FAM216A: variants seen among roughly 807,000 people sequenced by gnomAD.
The protein encoded by FAM216A is protein FAM216A.
Under a neutral mutation model 37.6 loss-of-function variants are expected in FAM216A, and 26 were observed. The observed-to-expected ratio is 0.69, with a 90% CI of 0.51 to 0.96. The LOEUF (loss-of-function observed/expected upper bound fraction) is 0.96. Ranked by LOEUF, FAM216A falls within the 40% of genes least tolerant of loss-of-function variation. FAM216A has a pLI of 0.00. For missense variants in FAM216A, 326 were observed against 339.3 expected, an observed-to-expected ratio of 0.96 and a Z score of 0.31; for synonymous variants, 110 against 121.7, an observed-to-expected ratio of 0.90 and a Z score of 0.64.
intron 2 of FAM216A, among the ~76,000 whole-genome samples, chr12:110,482,141 T>C (rs892135468): frequency 6.6e-6 from 1 of 151,970 alleles, no homozygotes; most frequent in Non-Finnish European, 1.5e-5. Flanking sequence ...GAGTGCAGTG[T>C]TGCGATCTCG....
At chr12:110,483,129 T>A (rs1261278087) in intron 2 of FAM216A, among the ~76,000 whole-genome samples, 1 of 151,484 alleles carries the variant, frequency 6.6e-6, no homozygotes, top group East Asian at 2.0e-4. Context: ...ATCAAGACCA[T>A]ACTGGCTAAC....
At chr12:110,473,599 G>T (rs2135542406) in intron 2 of FAM216A, among the ~76,000 whole-genome samples, 1 of 152,258 alleles carries the variant, frequency 6.6e-6, no homozygotes, top group South Asian at 2.1e-4. Context: ...GGTTTTTCTT[G>T]TCTGTTGGTA....
In FAM216A at chr12:110,490,150, G is replaced by A. The variant is rs559222148; in HGVS notation, c.*13G>A. The A allele has an allele frequency of 3.1e-5, 41 of 1,311,702 alleles. No individual in the cohort carries two copies. Among genetic ancestry groups the A allele is most frequent in the Middle Eastern group, 1.8e-4 (1 of 5,466 alleles). The allele number at this position is 1,311,702 out of a possible 1,614,324, so 81.3% of individuals were successfully genotyped here. A position where few individuals can be genotyped will look rare whatever the true frequency, so the allele number is the denominator to read the frequency against. ...GATGTTAACTTGACAGTCTTGTCTC[G>A]TGTATTGAATTCGTGCCAAAGGTGA... On this transcript the variant is annotated 3_prime_UTR_variant, in exon 7 of 7. Transcript: ENST00000377673.
Position 110,485,202 on chromosome 12 carries a change from A to G in FAM216A, c.306+3A>G, listed in dbSNP as rs759094330. On this transcript the variant is annotated splice_donor_region_variant and intron_variant, in intron 3 of 6. Transcript: ENST00000377673. ...TGATGGAGGCGTCCTTTTTCAAGGT[A>G]TGCTAACAGGGACATATTTAAATAC... 100 of 1,602,818 alleles carry G rather than the reference A, an allele frequency of 6.2e-5. No homozygotes were observed. The highest frequency in any genetic ancestry group is 8.3e-5 in the Non-Finnish European group (98 of 1,176,954).
chr12:110,473,006 TG>T, intron 1 of FAM216A, 71 bp from the exon 2 acceptor site: 3 of 463,328 alleles, frequency 6.5e-6, no homozygotes, highest in East Asian at 4.6e-5. Flanking sequence ...AAAAAAAAAT[TG>T]AAATATGTTG....
Position 110,490,230 on chromosome 12 carries a change from T to G in FAM216A, c.*93T>G, listed in dbSNP as rs2062804508. The stretch of plus-strand genomic sequence containing the variant: ...TGTTTAGGATGGTATTGTTATTTAT[T>G]AAATCATTAAGTAATTTTGGTTTGT... On this transcript the variant is annotated 3_prime_UTR_variant, in exon 7 of 7. Coordinates refer to ENST00000377673, the MANE Select transcript of FAM216A (RefSeq NM_013300.3). 15 of 748,424 alleles carry G rather than the reference T, an allele frequency of 2.0e-5. No individual in the cohort carries two copies. The highest frequency in any genetic ancestry group is 2.3e-4 in the Middle Eastern group (1 of 4,316). The allele number at this position is 748,424 out of a possible 1,614,324, so 46.4% of individuals were successfully genotyped here. A position where few individuals can be genotyped will look rare whatever the true frequency, so the allele number is the denominator to read the frequency against.
At chr12:110,488,751 G>C (rs1003832180) in intron 6 of FAM216A, among the ~76,000 whole-genome samples, 2 of 152,002 alleles carry the variant, frequency 1.3e-5, no homozygotes, top group African/African-American at 4.8e-5. Flanking sequence ...CCTATACTTT[G>C]TTATTTCCTA....
At chr12:110,481,885 T>C (rs192005079) in intron 2 of FAM216A, among the ~76,000 whole-genome samples, 273 of 152,318 alleles carry the variant, frequency 1.8e-3, no homozygotes, top group African/African-American at 6.1e-3. Flanking sequence ...TTACAGATTA[T>C]AAGTTATGTT....
rs531594931 is a variant in FAM216A, at chr12:110,482,325, G to A, written c.185-2753G>A. On this transcript the variant is annotated intron_variant, in intron 2 of 6. Coordinates refer to ENST00000377673, the MANE Select transcript of FAM216A (RefSeq NM_013300.3). ...TCTCCTGACCTCAAGTGATCTGCCC[G>A]CCTCAGCCTCCCAAAGTGCTGGGAT... 4.6e-5 allele frequency among the ~76,000 whole-genome samples: 7 copies of A among 151,962 alleles called. No individual in the cohort carries two copies. In the East Asian group the frequency reaches 9.7e-4, roughly 21 times the overall value.
chr12:110,486,752 C>T, intron 5 of FAM216A, 35 bp downstream of exon 5: 4 of 1,566,768 alleles, frequency 2.6e-6, no homozygotes, highest in East Asian at 4.5e-5. Flanking sequence ...GGAAATGCAT[C>T]TCAGTTTAAT....
chr12:110,478,756 A>G (rs945598641), intron 2 of FAM216A, among the ~76,000 whole-genome samples: 4 of 152,134 alleles, frequency 2.6e-5, no homozygotes, highest in Non-Finnish European at 5.9e-5. Context: ...CTAAGCAGAG[A>G]ACCCAGTGGA....
chr12:110,478,833 G>A (rs779886582), intron 2 of FAM216A, among the ~76,000 whole-genome samples: 1 of 152,046 alleles, frequency 6.6e-6, no homozygotes, highest in Non-Finnish European at 1.5e-5. Context: ...GTTTTAAGCC[G>A]CTAAAGTTGT....
At chr12:110,476,557 C>T (rs2062715916) in intron 2 of FAM216A, among the ~76,000 whole-genome samples, 1 of 147,344 alleles carries the variant, frequency 6.8e-6, no homozygotes, top group South Asian at 2.2e-4. Context: ...GACGAAGTCT[C>T]ACTCTGTCGC....
Position 110,489,927 on chromosome 12 carries a change from A to G in FAM216A, c.704-92A>G. The G allele has an allele frequency of 6.1e-6, 4 of 655,258 alleles. No individual in the cohort carries two copies. The South Asian group carries it at 7.0e-5, about 11-fold the overall frequency. The allele number at this position is 655,258 out of a possible 1,614,324, so 40.6% of individuals were successfully genotyped here. A position where few individuals can be genotyped will look rare whatever the true frequency, so the allele number is the denominator to read the frequency against. On this transcript the variant is annotated intron_variant, in intron 6 of 6. Coordinates refer to ENST00000377673, the MANE Select transcript of FAM216A (RefSeq NM_013300.3). Reference sequence around the variant, plus strand: ...AAATTGCAGGCAATTTGTCTTTACTACAGGCTTATTAATAAGCCAGGTCAT... The same window carrying G: ...AAATTGCAGGCAATTTGTCTTTACTGCAGGCTTATTAATAAGCCAGGTCAT...
Position 110,478,030 on chromosome 12 carries a change from C to A in FAM216A, c.184+4912C>A, listed in dbSNP as rs2062724516. Among the ~76,000 whole-genome samples the A allele has an allele frequency of 1.3e-5, 2 of 152,118 alleles. 1 individual carries two copies. Among genetic ancestry groups the A allele is most frequent in the African/African-American group, 4.8e-5 (2 of 41,448 alleles). On this transcript the variant is annotated intron_variant, in intron 2 of 6. Transcript: ENST00000377673. ...CCATATGGACTTTTTCTAATTCCAT[C>A]ATTGATTCTACATTTTTCAGATGGC...
At chr12:110,473,427 G>A (rs553569794) in intron 2 of FAM216A, among the ~76,000 whole-genome samples, 1 of 152,262 alleles carries the variant, frequency 6.6e-6, no homozygotes, top group African/African-American at 2.4e-5. Context: ...GGCCAGGCTG[G>A]TCTGGAGCTC....
intron 2 of FAM216A, among the ~76,000 whole-genome samples, chr12:110,476,381 TTTC>T (rs2062714793): frequency 6.6e-6 from 1 of 151,976 alleles, no homozygotes; most frequent in African/African-American, 2.4e-5. Context: ...TTGAATTTTT[TTTC>T]TTTTTAGTAG....
chr12:110,478,641 G>A (rs546145747), intron 2 of FAM216A, among the ~76,000 whole-genome samples: 2 of 152,088 alleles, frequency 1.3e-5, no homozygotes, highest in Non-Finnish European at 2.9e-5. Context: ...CTTTGGTTTT[G>A]TAAGGAACTG....
intron 2 of FAM216A, among the ~76,000 whole-genome samples, chr12:110,484,731 C>G (rs1268193124): frequency 6.6e-6 from 1 of 151,738 alleles, no homozygotes; most frequent in Non-Finnish European, 1.5e-5. Context: ...CCAGGATAAT[C>G]ACTGACACAT....
Sources: gnomAD v4.1 joint callset for allele counts (sites outside exome capture counted in the v4.1 genomes callset) on GRCh38, gnomAD v4.1.1 for gene constraint, MANE v1.5 for transcripts, NCBI Gene and HGNC (gene_info 2026-07-23, HGNC 2026-07-21) for gene names.